The following AREL1 variants were observed in gnomAD, a reference collection of about 807,000 sequenced individuals.
AREL1 encodes the protein apoptosis-resistant E3 ubiquitin protein ligase 1.
A neutral mutation model predicts 99.0 loss-of-function variants in AREL1; 62 were observed. That is an observed-to-expected ratio of 0.63 (90% CI 0.51 to 0.77). The LOEUF is 0.77. Ranked by LOEUF, AREL1 falls within the 30% of genes least tolerant of loss-of-function variation. The probability of loss-of-function intolerance (pLI) is 0.00; values close to 1 mark genes in which losing one functional copy is unlikely to be tolerated. For missense variants in AREL1, 879 were observed against 1,027.6 expected (o/e 0.86, Z 1.98); for synonymous variants, 380 against 376.5 (o/e 1.01, Z -0.11).
intron 1 of AREL1, among the ~76,000 whole-genome samples, chr14:74,700,602 C>A (rs919042738): frequency 2.6e-5 from 4 of 152,076 alleles, no homozygotes; most frequent in Non-Finnish European, 2.9e-5. Context: ...CATGGTGAAA[C>A]CCTGTCTCTA....
intron 1 of AREL1, among the ~76,000 whole-genome samples, chr14:74,693,210 A>G (rs2089918535): frequency 1.3e-5 from 2 of 152,198 alleles, no homozygotes; most frequent in South Asian, 4.1e-4. Context: ...AGAAACTTCC[A>G]AAGAGCTTTA....
intron 5 of AREL1, among the ~76,000 whole-genome samples, chr14:74,682,536 T>C (rs1035905623): frequency 5.9e-5 from 9 of 152,312 alleles, no homozygotes; most frequent in African/African-American, 2.2e-4. Context: ...ATATTATTTG[T>C]CAATAAAAAG....
At chr14:74,692,772 C>T (rs59741016) in intron 1 of AREL1, among the ~76,000 whole-genome samples, 1,981 of 152,220 alleles carry the variant, frequency 0.013, 19 homozygotes, top group South Asian at 0.031. Context: ...GGCATGATTA[C>T]AGCTCACTGC....
intron 5 of AREL1, chr14:74,678,300 C>G (rs1223165092): frequency 1.6e-5 from 7 of 436,616 alleles, no homozygotes; most frequent in Middle Eastern, 3.4e-4. Context: ...AGTTCGAGAC[C>G]ACCCTGGGCA....
chr14:74,704,442 G>C (rs934545383), intron 1 of AREL1, among the ~76,000 whole-genome samples: 1 of 152,118 alleles, frequency 6.6e-6, no homozygotes, highest in Admixed American at 6.5e-5. Context: ...GGAGTAGGGA[G>C]GGGGGCTTCC....
At chr14:74,676,963 ATT>A in intron 5 of AREL1, among the ~76,000 whole-genome samples, 1 of 150,914 alleles carries the variant, frequency 6.6e-6, no homozygotes, top group East Asian at 2.0e-4. Flanking sequence ...TGCCCAGAGA[ATT>A]TTTTTTTGTA....
intron 2 of AREL1, among the ~76,000 whole-genome samples, chr14:74,689,921 T>C (rs1397225270): frequency 6.6e-6 from 1 of 151,556 alleles, no homozygotes; most frequent in East Asian, 2.0e-4. Context: ...TTTAGTCTCG[T>C]TTTTTCATTT....
chr14:74,701,851 A>G (rs1034775445), intron 1 of AREL1: 3 of 152,224 alleles, frequency 2.0e-5, no homozygotes, highest in African/African-American at 7.2e-5. Context: ...ACCTGTTCCA[A>G]ATGGGAGAAA....
chr14:74,664,242 A>G (rs1477229335), intron 18 of AREL1, among the ~76,000 whole-genome samples, 168 bp from the exon 19 acceptor site: 1 of 152,160 alleles, frequency 6.6e-6, no homozygotes, highest in Non-Finnish European at 1.5e-5. Context: ...ACACTGTCAC[A>G]TGATTAGGAG....
rs755270716 is a variant in AREL1, at chr14:74,676,670, T to G, written c.564A>C (p.Gln188His). The change falls in exon 6 of 20, where the codon CAA becomes CAC. Residue 188 changes from glutamine to histidine, a missense_variant. Physicochemically the swap from Gln to His is conservative, Grantham distance 24. Transcript: ENST00000356357. The part of the protein sequence containing the change: ...VLTCGQPHTL[Q>H]IVPRDEYDNP... ...TATCATACTCATCTCGGGGTACTATTTGAAGGGTGTGCGGCTGCCCACAGG... is the reference window on the plus strand; with the variant it reads ...TATCATACTCATCTCGGGGTACTATGTGAAGGGTGTGCGGCTGCCCACAGG... 6.2e-7 allele frequency: 1 copy of G among 1,614,078 alleles called. No homozygotes were observed. Among genetic ancestry groups the G allele is most frequent in the Middle Eastern group, 1.6e-4 (1 of 6,062 alleles).
intron 1 of AREL1, among the ~76,000 whole-genome samples, chr14:74,705,705 A>G (rs961996013): frequency 1.3e-5 from 2 of 152,340 alleles, no homozygotes; most frequent in Admixed American, 6.5e-5. Context: ...ATAAAGGTTA[A>G]GCTAACCAAG....
At chr14:74,671,325 T>G in intron 12 of AREL1, 83 bp downstream of exon 12, 1 of 320,590 alleles carries the variant, frequency 3.1e-6, no homozygotes, top group Non-Finnish European at 5.0e-6. Context: ...GAGTTGCTTT[T>G]TTTTTTTTTT....
intron 1 of AREL1, among the ~76,000 whole-genome samples, chr14:74,695,026 T>G (rs532964570): frequency 6.8e-5 from 10 of 147,464 alleles, no homozygotes; most frequent in African/African-American, 2.2e-4. Context: ...AAGAAAATGG[T>G]ATAAAGAAAT....
intron 1 of AREL1, among the ~76,000 whole-genome samples, chr14:74,708,404 G>A (rs2090223638): frequency 6.6e-6 from 1 of 152,012 alleles, no homozygotes; most frequent in African/African-American, 2.4e-5. Flanking sequence ...CAGCCCACCT[G>A]GGATTTCTTC....
At chr14:74,700,319 C>T (rs993343536) in intron 1 of AREL1, among the ~76,000 whole-genome samples, 83 of 152,146 alleles carry the variant, frequency 5.5e-4, no homozygotes, top group Non-Finnish European at 7.3e-4. Context: ...AATGACTTGC[C>T]TATAGCCATC....
chr14:74,664,766 CT>C, intron 18 of AREL1, 69 bp downstream of exon 18: 2 of 1,456,858 alleles, frequency 1.4e-6, no homozygotes, highest in Non-Finnish European at 9.5e-7. Context: ...GCCTCCTCTA[CT>C]TTTTTCTTCT....
chr14:74,693,164 A>T (rs1343726527), intron 1 of AREL1, among the ~76,000 whole-genome samples: 1 of 152,204 alleles, frequency 6.6e-6, no homozygotes, highest in South Asian at 2.1e-4. Flanking sequence ...CTTATATGCC[A>T]TGGTAAGGAA....
chr14:74,679,142 C>T lies in AREL1; in HGVS notation c.482-2390G>A, dbSNP rs1044843600. 4.2e-4 allele frequency among the ~76,000 whole-genome samples: 64 copies of T among 152,210 alleles called. 1 individual carries two copies. Among genetic ancestry groups the T allele is most frequent in the African/African-American group, 1.5e-3 (63 of 41,456 alleles). ...CTTGAACTCCTGGGCTCAAGTGATT[C>T]TCCCACCTCAGAAAGTGGATTTCAT... is the stretch of plus-strand genomic sequence containing the variant. On this transcript the variant is annotated intron_variant, in intron 5 of 19. Coordinates refer to ENST00000356357, the MANE Select transcript of AREL1 (RefSeq NM_001039479.2).
rs112328689 is a variant in AREL1, at chr14:74,684,583, G to A, written c.114C>T (p.Arg38=). 9.8e-5 allele frequency: 158 copies of A among 1,614,162 alleles called. No individual in the cohort carries two copies. In the African/African-American group the frequency reaches 1.2e-3, roughly 13 times the overall value. ...RVVSFLQNED[R]ERRGDRTIYD... ...AAATAGTCCGGTCCCCTCGGCGCTC[G>A]CGGTCCTCATTCTGGAGGAAGCTGA... Residue 38 remains arginine, a synonymous_variant, in exon 4 of 20, where the codon CGC becomes CGT. Coordinates refer to ENST00000356357, the MANE Select transcript of AREL1 (RefSeq NM_001039479.2).
Sources: gnomAD v4.1 joint callset for allele counts (sites outside exome capture counted in the v4.1 genomes callset) on GRCh38, gnomAD v4.1.1 for gene constraint, MANE v1.5 for transcripts, NCBI Gene and HGNC (gene_info 2026-07-23, HGNC 2026-07-21) for gene names.